The following SNRPA1 variants were observed in gnomAD, a reference collection of about 807,000 sequenced individuals.
SNRPA1 encodes the protein small nuclear ribonucleoprotein polypeptide A', also known as U2 small nuclear ribonucleoprotein A'.
A neutral mutation model predicts 32.3 loss-of-function variants in SNRPA1; 5 were observed. The ratio of observed to expected loss-of-function variants is 0.15; its 90% CI spans 0.08 to 0.33. The LOEUF is 0.33. Among genes scored for constraint, SNRPA1 ranks in the 10% least tolerant of loss-of-function variants. The probability of loss-of-function intolerance (pLI) is 1.00; values close to 1 mark genes in which losing one functional copy is unlikely to be tolerated. For synonymous variants in SNRPA1, 111 were observed against 120.1 expected, an observed-to-expected ratio of 0.92 and a Z score of 0.50; for missense variants, 198 against 311.1, an observed-to-expected ratio of 0.64 and a Z score of 2.74.
At chr15:101,293,539 TG>T (rs1189691796) in intron 1 of SNRPA1, 1 of 157,728 alleles carries the variant, frequency 6.3e-6, no homozygotes, top group Non-Finnish European at 1.4e-5. Flanking sequence ...CACTTGGAGC[TG>T]CTTAGTCTCA....
At chr15:101,285,143 C>T (rs1193987246) in intron 7 of SNRPA1, 83 bp from the exon 8 acceptor site, 3 of 866,254 alleles carry the variant, frequency 3.5e-6, no homozygotes, top group Admixed American at 1.8e-5. Flanking sequence ...CAATCACCTA[C>T]AGAAATTCAC....
chr15:101,285,848 T>C, intron 6 of SNRPA1, 47 bp from the exon 7 acceptor site: 2 of 1,448,352 alleles, frequency 1.4e-6, no homozygotes, highest in Non-Finnish European at 1.9e-6. Context: ...CCAACAGAAG[T>C]TGCTTCTCTT....
chr15:101,284,658 AC>A (rs1175606422), intron 8 of SNRPA1: 29 of 228,208 alleles, frequency 1.3e-4, no homozygotes, highest in Non-Finnish European at 1.6e-4. Context: ...GCGCACCACC[AC>A]CCCCGGCTAA....
At chr15:101,287,137 A>C (rs2039464309) in intron 4 of SNRPA1, 127 bp from the exon 5 acceptor site, 3 of 532,142 alleles carry the variant, frequency 5.6e-6, no homozygotes, top group Non-Finnish European at 1.0e-5. Flanking sequence ...CAACATTGTA[A>C]CAATTTAACA....
chr15:101,294,254 A>C (rs1035999715), intron 1 of SNRPA1, among the ~76,000 whole-genome samples: 1 of 152,156 alleles, frequency 6.6e-6, no homozygotes, highest in Non-Finnish European at 1.5e-5. Context: ...CACAACACAA[A>C]ACAGTGGGAT....
At chr15:101,283,160 T>G (rs906748568) in intron 8 of SNRPA1, among the ~76,000 whole-genome samples, 4 of 152,242 alleles carry the variant, frequency 2.6e-5, no homozygotes, top group Admixed American at 2.6e-4. Context: ...GCTGCTGCCT[T>G]GACTCCTACT....
chr15:101,292,170 C>T, intron 2 of SNRPA1, 130 bp from the exon 3 acceptor site: 1 of 666,034 alleles, frequency 1.5e-6, no homozygotes, highest in East Asian at 2.7e-5. Flanking sequence ...AAAGAGGAAA[C>T]AAAGCAAAAA....
At chr15:101,286,573 C>T in intron 5 of SNRPA1, 1 of 479,446 alleles carries the variant, frequency 2.1e-6, no homozygotes, top group Non-Finnish European at 3.7e-6. Context: ...AGGGAAAAAT[C>T]ATCCTAACAC....
intron 1 of SNRPA1, 21 bp downstream of exon 1, chr15:101,295,076 C>A: frequency 1.4e-6 from 2 of 1,437,990 alleles, no homozygotes; most frequent in Non-Finnish European, 1.8e-6. Context: ...GGGGACTGGC[C>A]GCCCACGCCC....
chr15:101,291,352 G>C (rs1224964089), intron 3 of SNRPA1, among the ~76,000 whole-genome samples: 1 of 152,308 alleles, frequency 6.6e-6, no homozygotes, highest in Non-Finnish European at 1.5e-5. Flanking sequence ...AAGGTTTCTA[G>C]ACTGGAACTG....
intron 8 of SNRPA1, among the ~76,000 whole-genome samples, chr15:101,282,514 T>G (rs1000672047): frequency 6.6e-6 from 1 of 152,230 alleles, no homozygotes; most frequent in Non-Finnish European, 1.5e-5. Context: ...TTAGATACTA[T>G]GCTAAAACTT....
intron 1 of SNRPA1, chr15:101,294,802 G>A: frequency 2.7e-6 from 1 of 366,414 alleles, no homozygotes; most frequent in Non-Finnish European, 4.9e-6. Context: ...AACAGCCAGC[G>A]GCGAAACAGC....
At chr15:101,285,100 A>C in intron 7 of SNRPA1, 40 bp from the exon 8 acceptor site, 1 of 1,438,528 alleles carries the variant, frequency 7.0e-7, no homozygotes, top group Non-Finnish European at 9.8e-7. Context: ...GATTAACTTC[A>C]ACCAAGTATC....
At chr15:101,290,065 G>A (rs1319238756) in intron 3 of SNRPA1, 2 of 151,972 alleles carry the variant, frequency 1.3e-5, no homozygotes, top group African/African-American at 4.8e-5. Context: ...AGATTGTTTC[G>A]AGGTAAAAGA....
chr15:101,291,464 TA>T (rs1165062835), intron 3 of SNRPA1, among the ~76,000 whole-genome samples: 1 of 152,158 alleles, frequency 6.6e-6, no homozygotes, highest in Non-Finnish European at 1.5e-5. Flanking sequence ...TTTAACTTAT[TA>T]TCCAAAACGT....
chr15:101,289,552 CTG>C (rs1187532274), intron 3 of SNRPA1, among the ~76,000 whole-genome samples: 5 of 152,112 alleles, frequency 3.3e-5, no homozygotes, highest in African/African-American at 1.2e-4. Context: ...AGAAGACAAA[CTG>C]GAACACACCA....
chr15:101,293,363 C>A, intron 1 of SNRPA1, 191 bp from the exon 2 acceptor site: 1 of 454,004 alleles, frequency 2.2e-6, no homozygotes, highest in South Asian at 4.5e-5. Flanking sequence ...CTGAACGAGT[C>A]TCAAGTCCCC....
intron 7 of SNRPA1, 110 bp downstream of exon 7, chr15:101,285,616 T>C (rs945939641): frequency 6.7e-6 from 5 of 748,478 alleles, no homozygotes; most frequent in Non-Finnish European, 1.2e-5. Context: ...TGTATGCTAA[T>C]AACTGTGGGA....
chr15:101,291,828 C>T, intron 3 of SNRPA1, 134 bp downstream of exon 3: 1 of 589,092 alleles, frequency 1.7e-6, no homozygotes, highest in South Asian at 2.5e-5. Context: ...CCCAAAAGGC[C>T]CAGATCCTGA....
Sources: allele counts gnomAD v4.1 joint callset (sites outside exome capture counted in the v4.1 genomes callset), GRCh38; gene constraint gnomAD v4.1.1; transcripts MANE v1.5; gene names NCBI Gene and HGNC (gene_info 2026-07-23, HGNC 2026-07-21).